Variants in ZNF385D observed in about 807,000 individuals in gnomAD.
ZNF385D encodes the protein zinc finger protein 385D.
ZNF385D carries 15 observed loss-of-function variants against 35.8 expected under a neutral mutation model. The observed-to-expected ratio is 0.42, with a 90% CI of 0.28 to 0.64. ZNF385D has a LOEUF of 0.64. Among genes scored for constraint, ZNF385D ranks in the 30% least tolerant of loss-of-function variants. The pLI is 0.23. For synonymous variants in ZNF385D, 212 were observed against 186.8 expected (o/e 1.13, Z -1.10); for missense variants, 474 against 494.6 (o/e 0.96, Z 0.39).
intron 3 of ZNF385D, among the ~76,000 whole-genome samples, chr3:21,920,310 T>G (rs573073184): frequency 2.6e-5 from 4 of 152,146 alleles, no homozygotes; most frequent in African/African-American, 9.7e-5. Context: ...AACACAGTTG[T>G]GTATGATAAA....
At chr3:22,365,956 T>C (rs1696638043) in intron 2 of ZNF385D, among the ~76,000 whole-genome samples, 1 of 152,122 alleles carries the variant, frequency 6.6e-6, no homozygotes, top group East Asian at 1.9e-4. Flanking sequence ...TTTCCCAAAA[T>C]AAGCATCATT....
At chr3:21,820,249 G>A (rs2073344851) in intron 3 of ZNF385D, among the ~76,000 whole-genome samples, 1 of 151,634 alleles carries the variant, frequency 6.6e-6, no homozygotes, top group Admixed American at 6.6e-5. Context: ...CAGAGAATTA[G>A]TAACATACAG....
At chr3:22,271,644 A>T (rs1258110161) in intron 2 of ZNF385D, among the ~76,000 whole-genome samples, 2 of 151,508 alleles carry the variant, frequency 1.3e-5, no homozygotes, top group African/African-American at 2.4e-5. Context: ...TTCCACCTCA[A>T]AATTGTGCAC....
At chr3:21,572,942 G>A (rs1019642020) in intron 2 of ZNF385D, among the ~76,000 whole-genome samples, 7 of 105,844 alleles carry the variant, frequency 6.6e-5, no homozygotes, top group African/African-American at 3.2e-4. Flanking sequence ...TCCCTAGGAA[G>A]TAGACACTTT....
chr3:22,111,915 T>C (rs1702557382), intron 3 of ZNF385D, among the ~76,000 whole-genome samples: 1 of 152,088 alleles, frequency 6.6e-6, no homozygotes, highest in South Asian at 2.1e-4. Flanking sequence ...AGAAAATACA[T>C]TCAGTTCCAG....
At chr3:22,013,554 A>G (rs757016960) in intron 3 of ZNF385D, among the ~76,000 whole-genome samples, 114 of 152,274 alleles carry the variant, frequency 7.5e-4, no homozygotes, top group African/African-American at 2.6e-3. Context: ...AAATTTCTCA[A>G]TGGAACTTCA....
chr3:21,982,241 T>C (rs1450975470), intron 3 of ZNF385D, among the ~76,000 whole-genome samples: 1 of 152,160 alleles, frequency 6.6e-6, no homozygotes. Context: ...GTGTCTTGTC[T>C]TATTTCTTTG....
chr3:21,554,521 T>G (rs868250329), intron 3 of ZNF385D, among the ~76,000 whole-genome samples: 11 of 152,298 alleles, frequency 7.2e-5, no homozygotes, highest in African/African-American at 1.9e-4. Context: ...AGCACTAGCT[T>G]GAATTTAGAC....
At chr3:22,005,496 G>T (rs747030854) in intron 3 of ZNF385D, among the ~76,000 whole-genome samples, 8 of 151,880 alleles carry the variant, frequency 5.3e-5, no homozygotes, top group African/African-American at 1.7e-4. Flanking sequence ...GAAAAGATTC[G>T]AAATATTTTC....
intron 4 of ZNF385D, among the ~76,000 whole-genome samples, chr3:21,472,280 T>C (rs575793546): frequency 2.0e-5 from 3 of 152,250 alleles, no homozygotes; most frequent in East Asian, 3.9e-4. Flanking sequence ...AAGAAATCTC[T>C]ACTCTTGAAG....
At chr3:21,837,942 A>C (rs1439054509) in intron 3 of ZNF385D, among the ~76,000 whole-genome samples, 1 of 151,744 alleles carries the variant, frequency 6.6e-6, no homozygotes, top group Non-Finnish European at 1.5e-5. Context: ...AATGACGGTG[A>C]GTAGAGGAAG....
At chr3:21,991,326 A>C (rs184223552) in intron 3 of ZNF385D, among the ~76,000 whole-genome samples, 1 of 152,304 alleles carries the variant, frequency 6.6e-6, no homozygotes, top group Admixed American at 6.5e-5. Flanking sequence ...GCAAACCTAA[A>C]ACAAGAGCCA....
At chr3:21,988,798 C>T (rs1448857745) in intron 3 of ZNF385D, among the ~76,000 whole-genome samples, 1 of 152,110 alleles carries the variant, frequency 6.6e-6, no homozygotes, top group Non-Finnish European at 1.5e-5. Context: ...TGATCTCAGA[C>T]TGCTGTGCTA....
At chr3:22,361,696 G>C (rs1488380897) in intron 2 of ZNF385D, among the ~76,000 whole-genome samples, 1 of 151,992 alleles carries the variant, frequency 6.6e-6, no homozygotes, top group African/African-American at 2.4e-5. Flanking sequence ...TGTGGAAAGA[G>C]GAGGAAACTA....
intron 3 of ZNF385D, among the ~76,000 whole-genome samples, chr3:21,888,687 G>A (rs930888820): frequency 1.3e-5 from 2 of 152,152 alleles, no homozygotes; most frequent in African/African-American, 4.8e-5. Context: ...GCAAGTAGAG[G>A]GTAGAGGAGG....
intron 3 of ZNF385D, among the ~76,000 whole-genome samples, chr3:21,922,934 A>G (rs1469816621): frequency 5.9e-5 from 9 of 152,224 alleles, no homozygotes; most frequent in Non-Finnish European, 1.5e-5. Context: ...TAGCTGAACA[A>G]ACAAAAAACA....
At chr3:21,565,121 A>G (rs1161814420) in intron 2 of ZNF385D, among the ~76,000 whole-genome samples, 1 of 152,170 alleles carries the variant, frequency 6.6e-6, no homozygotes, top group South Asian at 2.1e-4. Context: ...ATTATCCAAC[A>G]TGAACCTTAT....
chr3:22,336,364 A>G (rs1246852412), intron 2 of ZNF385D, among the ~76,000 whole-genome samples: 1 of 152,152 alleles, frequency 6.6e-6, no homozygotes, highest in Admixed American at 6.5e-5. Context: ...TGTTCAAACT[A>G]AAAAGCTATT....
intron 1 of ZNF385D, among the ~76,000 whole-genome samples, chr3:21,744,856 TA>T (rs1216117727): frequency 1.8e-4 from 24 of 133,784 alleles, no homozygotes; most frequent in Middle Eastern, 3.9e-3. Flanking sequence ...TTAAAAAAAA[TA>T]AAAAAAATAA....
Sources: gnomAD v4.1 joint callset for allele counts (sites outside exome capture counted in the v4.1 genomes callset) on GRCh38, gnomAD v4.1.1 for gene constraint, MANE v1.5 for transcripts, NCBI Gene and HGNC (gene_info 2026-07-23, HGNC 2026-07-21) for gene names.